Variants in SHQ1 observed in about 807,000 individuals in gnomAD.
The protein encoded by SHQ1 is SHQ1, H/ACA ribonucleoprotein assembly factor.
In SHQ1, 49 loss-of-function variants were observed where a neutral mutation model predicts 53.8. The ratio of observed to expected loss-of-function variants is 0.91; its 90% confidence interval spans 0.72 to 1.16. The LOEUF (loss-of-function observed/expected upper bound fraction) is 1.16, where lower values mean the gene tolerates loss of function less well. SHQ1 is among the 50% of genes most tolerant of loss of function. The probability of loss-of-function intolerance (pLI) is 0.00; values close to 1 mark genes in which losing one functional copy is unlikely to be tolerated. For missense variants in SHQ1, 738 were observed against 683.1 expected (o/e 1.08, Z -0.90); for synonymous variants, 243 against 251.0 (o/e 0.97, Z 0.30).
chr3:72,732,773 A>G, the SHQ1 span, among the ~76,000 whole-genome samples: 273 of 151,442 alleles, frequency 1.8e-3, 1 homozygote, highest in African/African-American at 6.3e-3. Flanking sequence ...CTCTTGACCA[A>G]CAAGCCTCGA....
At chr3:72,812,248 T>C (rs974149730) in intron 9 of SHQ1, among the ~76,000 whole-genome samples, 2 of 152,182 alleles carry the variant, frequency 1.3e-5, no homozygotes, top group Admixed American at 6.5e-5. Context: ...TTTCACTCTC[T>C]TTGGAATTGC....
intron 4 of SHQ1, 101 bp from the exon 5 acceptor site, chr3:72,832,582 T>C (rs1014068868): frequency 4.0e-6 from 3 of 745,784 alleles, no homozygotes; most frequent in Non-Finnish European, 4.5e-6. Context: ...AGAACCTAAC[T>C]GATCAGTAAA....
intron 10 of SHQ1, among the ~76,000 whole-genome samples, chr3:72,756,185 C>G: frequency 6.6e-6 from 1 of 152,124 alleles, no homozygotes; most frequent in Non-Finnish European, 1.5e-5. Flanking sequence ...CAGGCATGAG[C>G]GGCAGCCCTG....
intron 7 of SHQ1, among the ~76,000 whole-genome samples, chr3:72,816,599 T>C (rs1403915976): frequency 7.2e-5 from 11 of 152,098 alleles, no homozygotes; most frequent in Non-Finnish European, 1.6e-4. Flanking sequence ...TCAAATATGG[T>C]TTAAGAAGAG....
chr3:72,765,114 C>G (rs891564571), intron 10 of SHQ1, among the ~76,000 whole-genome samples: 7 of 152,184 alleles, frequency 4.6e-5, no homozygotes, highest in African/African-American at 7.2e-5. Flanking sequence ...CCTTAGCCCC[C>G]CTTCTAGGTC....
rs527499225 is a variant in SHQ1, at chr3:72,766,503, A to G, written c.1182-15667T>C. 1.1e-4 allele frequency among the ~76,000 whole-genome samples: 16 copies of G among 152,316 alleles called. No individual in the cohort carries two copies. In the South Asian group the frequency reaches 3.3e-3, roughly 32 times the overall value. On this transcript the variant is annotated intron_variant, in intron 10 of 10. Coordinates refer to ENST00000325599, the MANE Select transcript of SHQ1 (RefSeq NM_018130.3). Reference sequence around the variant, plus strand: ...ACAGGTCATCTTGTTCTTGAAAAGTAAGACATAGAGGTTTAATAAAAGAGA... The same window carrying G: ...ACAGGTCATCTTGTTCTTGAAAAGTGAGACATAGAGGTTTAATAAAAGAGA...
chr3:72,753,263 G>A, intron 10 of SHQ1: 1 of 985,404 alleles, frequency 1.0e-6, no homozygotes, highest in Non-Finnish European at 1.2e-6. Context: ...AGACAAACTG[G>A]ATGACGGTGA....
At chr3:72,781,935 T>C (rs1706086949) in intron 10 of SHQ1, among the ~76,000 whole-genome samples, 2 of 152,128 alleles carry the variant, frequency 1.3e-5, no homozygotes, top group Admixed American at 1.3e-4. Flanking sequence ...GATTGTTTTA[T>C]GTACTCCCTG....
chr3:72,790,774 A>T (rs1333127237), intron 10 of SHQ1, among the ~76,000 whole-genome samples: 1 of 152,216 alleles, frequency 6.6e-6, no homozygotes, highest in Non-Finnish European at 1.5e-5. Context: ...TTAACATACA[A>T]ACTGAAAGCA....
chr3:72,770,915 G>A (rs547975033), intron 10 of SHQ1, among the ~76,000 whole-genome samples: 6 of 152,304 alleles, frequency 3.9e-5, no homozygotes, highest in Admixed American at 6.5e-5. Context: ...GGACTAGCCC[G>A]CACCTGGGAA....
intron 9 of SHQ1, chr3:72,794,629 T>C (rs1575698727): frequency 6.6e-6 from 1 of 152,266 alleles, no homozygotes; most frequent in East Asian, 1.9e-4. Context: ...TCTTTCAGAT[T>C]CCAGACTCTA....
At position 72,833,415 on chromosome 3, in the gene SHQ1, T is replaced by C. The variant is rs574759063; in HGVS notation, c.487-934A>G. Among the ~76,000 whole-genome samples, 14 of 151,952 alleles carry C rather than the reference T, an allele frequency of 9.2e-5. No homozygotes were observed. The South Asian group carries it at 2.5e-3, about 27-fold the overall frequency. The stretch of plus-strand genomic sequence containing the variant: ...AAGATCATGCCACTGCACTCTGGCC[T>C]GGGCGACAGAGCCAGACTCTATCAG... On this transcript the variant is annotated intron_variant, in intron 4 of 10. Coordinates refer to ENST00000325599, the MANE Select transcript of SHQ1 (RefSeq NM_018130.3).
the SHQ1 span, among the ~76,000 whole-genome samples, chr3:72,738,915 G>C: frequency 6.6e-6 from 1 of 151,236 alleles, no homozygotes; most frequent in Non-Finnish European, 1.5e-5. Flanking sequence ...CGCGACGCCC[G>C]AGGACCCGAC....
At chr3:72,748,325 C>T (rs1405455272), downstream of SHQ1, among the ~76,000 whole-genome samples, 1 of 59,698 alleles carries the variant, frequency 1.7e-5, no homozygotes, top group Admixed American at 2.8e-4. Flanking sequence ...GACTATGAGG[C>T]ATGCAAAAAA....
intron 10 of SHQ1, among the ~76,000 whole-genome samples, chr3:72,784,438 T>C (rs1007947133): frequency 6.6e-6 from 1 of 152,204 alleles, no homozygotes; most frequent in African/African-American, 2.4e-5. Context: ...CCTTTCTATA[T>C]GAAACCACGC....
chr3:72,760,449 A>C (rs1705584166), intron 10 of SHQ1, among the ~76,000 whole-genome samples: 1 of 152,192 alleles, frequency 6.6e-6, no homozygotes. Flanking sequence ...TATGCTAGAG[A>C]GATCCACTGA....
At chr3:72,846,174 A>C in intron 1 of SHQ1, 1 of 1,521,586 alleles carries the variant, frequency 6.6e-7, no homozygotes. Flanking sequence ...CTATAAGCCT[A>C]GAGTTAAATT....
At chr3:72,753,298 A>G (rs1306187706) in intron 10 of SHQ1, 1 of 985,300 alleles carries the variant, frequency 1.0e-6, no homozygotes, top group African/African-American at 1.7e-5. Flanking sequence ...TTCATTTGTA[A>G]AAGTATAGTC....
downstream of SHQ1, among the ~76,000 whole-genome samples, chr3:72,747,396 G>A (rs1446631020): frequency 6.6e-6 from 1 of 152,172 alleles, no homozygotes; most frequent in East Asian, 1.9e-4. Context: ...AGAAAAATGG[G>A]AGCAATACAC....
Sources: gnomAD v4.1 joint callset for allele counts (sites outside exome capture counted in the v4.1 genomes callset) on GRCh38, gnomAD v4.1.1 for gene constraint, MANE v1.5 for transcripts, NCBI Gene and HGNC (gene_info 2026-07-23, HGNC 2026-07-21) for gene names.